Variants in CHLSN observed in about 807,000 individuals in gnomAD.
CHLSN encodes protein cholesin.
the CHLSN span, among the ~76,000 whole-genome samples, chr7:1,099,443 C>T: frequency 6.6e-6 from 1 of 152,276 alleles, no homozygotes; most frequent in Non-Finnish European, 1.5e-5. Flanking sequence ...GGGTTTCCGC[C>T]ATCTGGAATC....
chr7:1,006,190 C>G, the CHLSN span, among the ~76,000 whole-genome samples: 1 of 152,212 alleles, frequency 6.6e-6, no homozygotes, highest in Non-Finnish European at 1.5e-5. Flanking sequence ...TCCCAAACTT[C>G]CGCCTATGCA....
At chr7:1,084,168 C>T in the CHLSN span, among the ~76,000 whole-genome samples, 1 of 152,224 alleles carries the variant, frequency 6.6e-6, no homozygotes, top group African/African-American at 2.4e-5. Context: ...ACACAGCTTC[C>T]TTGGGACCTG....
chr7:1,059,436 G>C, the CHLSN span, among the ~76,000 whole-genome samples: 43 of 152,250 alleles, frequency 2.8e-4, no homozygotes, highest in Admixed American at 1.9e-3. Context: ...GATGGGGCCC[G>C]GACCGGCCTG....
the CHLSN span, among the ~76,000 whole-genome samples, chr7:1,019,078 C>T: frequency 6.6e-6 from 1 of 151,780 alleles, no homozygotes; most frequent in Non-Finnish European, 1.5e-5. Context: ...GTCTGTAATC[C>T]CAGCTACCCG....
At chr7:985,170 G>C in the CHLSN span, 1 of 1,580,468 alleles carries the variant, frequency 6.3e-7, no homozygotes, top group South Asian at 1.1e-5. Flanking sequence ...TCGCAGGCCG[G>C]CCCTTCCCGC....
chr7:1,072,676 CTTTTTTTTT>C, the CHLSN span, among the ~76,000 whole-genome samples: 129 of 110,304 alleles, frequency 1.2e-3, no homozygotes, highest in African/African-American at 4.6e-3. Context: ...CTTTTCTTTC[CTTTTTTTTT>C]TTTTTTTTTT....
the CHLSN span, among the ~76,000 whole-genome samples, chr7:1,080,649 T>C: frequency 5.5e-3 from 843 of 152,326 alleles, 4 homozygotes; most frequent in Admixed American, 8.1e-3. Flanking sequence ...AAAGGAGTAT[T>C]TTACTGCACA....
At chr7:1,096,930 GGC>G in the CHLSN span, among the ~76,000 whole-genome samples, 387 of 152,268 alleles carry the variant, frequency 2.5e-3, 2 homozygotes, top group African/African-American at 9.0e-3. The surrounding 1 kb of genome is among the most constrained non-coding windows in gnomAD (Gnocchi z 4.6). Context: ...GTGTTTCTGT[GGC>G]GGGGTGGGAA....
the CHLSN span, among the ~76,000 whole-genome samples, chr7:1,119,033 T>C: frequency 1.3e-5 from 2 of 151,736 alleles, no homozygotes; most frequent in African/African-American, 4.8e-5. Flanking sequence ...GGCAGGAGGA[T>C]CATGAGGTCT....
At chr7:1,019,130 G>A in the CHLSN span, among the ~76,000 whole-genome samples, 1 of 145,640 alleles carries the variant, frequency 6.9e-6, no homozygotes, top group Non-Finnish European at 1.5e-5. Context: ...GGGGGCAGAG[G>A]TTGCAGTAAG....
At chr7:1,052,661 G>GC in the CHLSN span, among the ~76,000 whole-genome samples, 1 of 152,088 alleles carries the variant, frequency 6.6e-6, no homozygotes, top group Non-Finnish European at 1.5e-5. This position sits in a 1 kb window ranked among gnomAD's most constrained non-coding sequence, Gnocchi z 4.2. Flanking sequence ...TGGAGGAGAG[G>GC]CCCACAGGGT....
chr7:1,091,928 T>C, the CHLSN span: 1 of 1,613,916 alleles, frequency 6.2e-7, no homozygotes, highest in Non-Finnish European at 8.5e-7. Context: ...CTCTACACCA[T>C]CTTCCTCTTC....
the CHLSN span, among the ~76,000 whole-genome samples, chr7:1,047,706 C>T: frequency 6.6e-6 from 1 of 152,254 alleles, no homozygotes; most frequent in South Asian, 2.1e-4. Context: ...CACTCCTTTC[C>T]TGCCATCCTG....
the CHLSN span, among the ~76,000 whole-genome samples, chr7:1,012,213 G>A: frequency 2.6e-5 from 4 of 152,244 alleles, no homozygotes; most frequent in African/African-American, 4.8e-5. Context: ...AGGGGCCGCC[G>A]CGGTGGCCGA....
At chr7:1,091,459 C>T in the CHLSN span, 23 of 466,560 alleles carry the variant, frequency 4.9e-5, no homozygotes, top group African/African-American at 1.9e-4. Context: ...GGCCGACACC[C>T]GCAGGGACGC....
chr7:1,005,443 G>C, the CHLSN span, among the ~76,000 whole-genome samples: 1 of 152,234 alleles, frequency 6.6e-6, no homozygotes, highest in Non-Finnish European at 1.5e-5. Context: ...ACTGCCAGCC[G>C]CGGTGAGCTG....
At chr7:983,402 G>A in the CHLSN span, 684 of 1,484,158 alleles carry the variant, frequency 4.6e-4, 9 homozygotes, top group South Asian at 7.6e-3. Context: ...CAGGGAGCCC[G>A]GGCAGCTCTT....
At chr7:1,108,548 A>C in the CHLSN span, among the ~76,000 whole-genome samples, 1 of 152,180 alleles carries the variant, frequency 6.6e-6, no homozygotes, top group Non-Finnish European at 1.5e-5. Flanking sequence ...GGCAGTGCAA[A>C]TCTGCCTGGG....
At chr7:1,071,430 A>G in the CHLSN span, among the ~76,000 whole-genome samples, 72 of 152,276 alleles carry the variant, frequency 4.7e-4, no homozygotes, top group African/African-American at 1.2e-3. Flanking sequence ...CCTTGGAGAA[A>G]AGCTGATGTG....
Sources: gnomAD v4.1 joint callset for allele counts (sites outside exome capture counted in the v4.1 genomes callset) on GRCh38, gnomAD v4.1.1 for gene constraint, Gnocchi (gnomAD v3.1) non-coding constraint, MANE v1.5 for transcripts, NCBI Gene and HGNC (gene_info 2026-07-23, HGNC 2026-07-21) for gene names.